Variants in PRSS38 observed in about 807,000 individuals in gnomAD.
The protein encoded by PRSS38 is marapsin 2.
Under a neutral mutation model 26.8 loss-of-function variants are expected in PRSS38, and 22 were observed. The ratio of observed to expected loss-of-function variants is 0.82; its 90% CI spans 0.59 to 1.17. The LOEUF (loss-of-function observed/expected upper bound fraction) is 1.17, where lower values mean the gene tolerates loss of function less well. Ranked by LOEUF, PRSS38 falls within the 50% of genes most tolerant of loss-of-function variation. PRSS38 has a pLI of 0.00. For missense variants in PRSS38, 427 were observed against 422.7 expected, an observed-to-expected ratio of 1.01 and a Z score of -0.09; for synonymous variants, 175 against 172.1, an observed-to-expected ratio of 1.02 and a Z score of -0.13.
chr1:227,834,087 A>G (rs1273519113), intron 3 of PRSS38, among the ~76,000 whole-genome samples: 1 of 152,108 alleles, frequency 6.6e-6, no homozygotes, highest in East Asian at 1.9e-4. Context: ...GGAGCCATGC[A>G]CCTGCCAGCC....
intron 3 of PRSS38, among the ~76,000 whole-genome samples, chr1:227,842,872 C>T (rs754536522): frequency 2.0e-5 from 3 of 152,136 alleles, no homozygotes; most frequent in South Asian, 2.1e-4. Context: ...CCACCATGCC[C>T]GGCCTCTGAG....
At chr1:227,824,871 T>A (rs1248809502) in intron 3 of PRSS38, among the ~76,000 whole-genome samples, 1 of 152,224 alleles carries the variant, frequency 6.6e-6, no homozygotes, top group Non-Finnish European at 1.5e-5. Flanking sequence ...TGTCTTCTTT[T>A]GAGAAGTGTC....
intron 3 of PRSS38, among the ~76,000 whole-genome samples, chr1:227,827,658 A>AT (rs78401003): frequency 6.7e-6 from 1 of 149,126 alleles, no homozygotes; most frequent in South Asian, 2.1e-4. Flanking sequence ...GAATTCATTG[A>AT]TTTTTTGAAG....
At chr1:227,835,091 G>A (rs188946752) in intron 3 of PRSS38, among the ~76,000 whole-genome samples, 7 of 152,250 alleles carry the variant, frequency 4.6e-5, no homozygotes, top group Non-Finnish European at 5.9e-5. Context: ...GATGCTCCAC[G>A]TCATTAGTCA....
chr1:227,818,467 C>T (rs1350081020), intron 3 of PRSS38, among the ~76,000 whole-genome samples: 1 of 151,752 alleles, frequency 6.6e-6, no homozygotes, highest in Non-Finnish European at 1.5e-5. Flanking sequence ...TCGCTTGAGC[C>T]CAGGAGTTTG....
chr1:227,843,041 T>A (rs1442427843), intron 3 of PRSS38, among the ~76,000 whole-genome samples: 1 of 152,212 alleles, frequency 6.6e-6, no homozygotes, highest in African/African-American at 2.4e-5. Context: ...CCGTCTCTAA[T>A]GAGGACCGGC....
chr1:227,843,042 G>A (rs1368189463), intron 3 of PRSS38, among the ~76,000 whole-genome samples: 1 of 152,200 alleles, frequency 6.6e-6, no homozygotes, highest in Non-Finnish European at 1.5e-5. Flanking sequence ...CGTCTCTAAT[G>A]AGGACCGGCC....
chr1:227,818,938 G>A (rs146221584), intron 3 of PRSS38, among the ~76,000 whole-genome samples: 8 of 152,084 alleles, frequency 5.3e-5, no homozygotes, highest in African/African-American at 1.7e-4. Context: ...TCTCTGTTAT[G>A]GCTACTGGTT....
intron 3 of PRSS38, among the ~76,000 whole-genome samples, chr1:227,826,784 C>T (rs982429088): frequency 1.3e-5 from 2 of 151,982 alleles, no homozygotes; most frequent in African/African-American, 4.8e-5. Context: ...TGACTGCCTC[C>T]AGCTTTTGCC....
At chr1:227,827,928 C>T (rs886928554) in intron 3 of PRSS38, among the ~76,000 whole-genome samples, 2 of 152,150 alleles carry the variant, frequency 1.3e-5, no homozygotes, top group Admixed American at 1.3e-4. Context: ...TTCTTGATTT[C>T]TGCCTTAATT....
chr1:227,841,191 C>T (rs1419776103), intron 3 of PRSS38, among the ~76,000 whole-genome samples: 1 of 152,260 alleles, frequency 6.6e-6, no homozygotes, highest in Non-Finnish European at 1.5e-5. Context: ...AGGCTGCTGG[C>T]TGGCCTGGGA....
rs767843621 is a variant in PRSS38 at position 227,845,541 on chromosome 1, G to A, written c.655G>A (p.Gly219Arg). 4.0e-5 allele frequency: 65 copies of A among 1,613,532 alleles called. No individual in the cohort carries two copies. The highest frequency in any genetic ancestry group is 3.3e-4 in the Middle Eastern group (2 of 6,078). The change falls in exon 4 of 5, where the codon GGA (glycine) becomes AGA (arginine). Residue 219 changes from glycine (G) to arginine (R), a missense_variant. Transcript: ENST00000366757. ...GGAGCCCTGGTGCCACCTGCTCTAC[G>A]GACACATGTCCTACATCATGCCCGA...
chr1:227,820,089 C>CAA (rs61564441), intron 3 of PRSS38, among the ~76,000 whole-genome samples: 643 of 41,160 alleles, frequency 0.016, 14 homozygotes, highest in African/African-American at 0.029. Flanking sequence ...AACTCCATCT[C>CAA]AAAAAAAAAA....
chr1:227,836,925 C>T (rs1335059217), intron 3 of PRSS38, among the ~76,000 whole-genome samples: 2 of 152,020 alleles, frequency 1.3e-5, no homozygotes, highest in African/African-American at 4.8e-5. Context: ...AAGCAAATTC[C>T]AGATACTATA....
rs1664914728 is a variant in PRSS38, at chr1:227,816,270, T to C, written c.311+18T>C. On this transcript the variant is annotated intron_variant, in intron 2 of 4. Coordinates refer to ENST00000366757, the Ensembl canonical transcript of PRSS38. The surrounding 1 kb of genome is among the most constrained non-coding windows in gnomAD (Gnocchi z 5.1). Reference sequence around the variant, plus strand: ...TTTCACAGGTAAGCGGGCGCCGGCCTGGGATGGTGTGGGTAGCTGGGCCTG... The same window carrying C: ...TTTCACAGGTAAGCGGGCGCCGGCCCGGGATGGTGTGGGTAGCTGGGCCTG... 1 of 1,602,458 alleles carries C rather than the reference T, an allele frequency of 6.2e-7. No homozygotes were observed. The highest frequency in any genetic ancestry group is 8.5e-7 in the Non-Finnish European group (1 of 1,171,624).
chr1:227,821,007 TA>T (rs1664995877), intron 3 of PRSS38, among the ~76,000 whole-genome samples: 1 of 152,250 alleles, frequency 6.6e-6, no homozygotes. Context: ...CAAGATAAGT[TA>T]TTTCACAAAT....
At chr1:227,818,022 G>A (rs1432967210) in intron 3 of PRSS38, among the ~76,000 whole-genome samples, 1 of 152,122 alleles carries the variant, frequency 6.6e-6, no homozygotes, top group African/African-American at 2.4e-5. Context: ...TATTTTGACA[G>A]TTCTAGACAA....
chr1:227,838,579 C>G (rs986584472), intron 3 of PRSS38, among the ~76,000 whole-genome samples: 14 of 152,212 alleles, frequency 9.2e-5, no homozygotes, highest in Non-Finnish European at 2.1e-4. Flanking sequence ...CTGAGACATC[C>G]TTTCTTCTGC....
chr1:227,816,199 C>T lies in PRSS38; in HGVS notation c.258C>T (p.Gly86=), dbSNP rs775851463. ...ACTACGCAGGCCTCCACGTCTGCGG[C>T]GGCTCCATCCTCAATGAGTACTGGG... Residue 86 remains glycine, a synonymous_variant, in exon 2 of 5, where the codon GGC becomes GGT. Coordinates refer to ENST00000366757, the Ensembl canonical transcript of PRSS38. This position sits in a 1 kb window ranked among gnomAD's most constrained non-coding sequence, Gnocchi z 5.1. 15 of 1,613,638 alleles carry T rather than the reference C, an allele frequency of 9.3e-6. No homozygotes were observed. Among genetic ancestry groups the T allele is most frequent in the Admixed American group, 1.7e-5 (1 of 60,016 alleles).
Sources: gnomAD v4.1 joint callset for allele counts (sites outside exome capture counted in the v4.1 genomes callset) on GRCh38, gnomAD v4.1.1 for gene constraint, Gnocchi (gnomAD v3.1) non-coding constraint, MANE v1.5 for transcripts, NCBI Gene and HGNC (gene_info 2026-07-23, HGNC 2026-07-21) for gene names.